The following MAMDC2 variants were observed in gnomAD, a reference collection of about 807,000 sequenced individuals.
MAMDC2 encodes the protein MAM domain containing 2, also known as MAM domain-containing protein 2.
MAMDC2 carries 57 observed loss-of-function variants against 89.8 expected under a neutral mutation model. The ratio of observed to expected loss-of-function variants is 0.63; its 90% CI spans 0.51 to 0.79. MAMDC2 has a LOEUF of 0.79. MAMDC2 is among the 30% of genes least tolerant of loss of function. The probability of loss-of-function intolerance (pLI) is 0.00; values close to 1 mark genes in which losing one functional copy is unlikely to be tolerated. For missense variants in MAMDC2, 800 were observed against 820.6 expected, an observed-to-expected ratio of 0.97 and a Z score of 0.31; for synonymous variants, 313 against 293.4, an observed-to-expected ratio of 1.07 and a Z score of -0.68.
intron 11 of MAMDC2, among the ~76,000 whole-genome samples, chr9:70,199,985 C>T (rs1008579154): frequency 6.6e-6 from 1 of 152,136 alleles, no homozygotes; most frequent in East Asian, 1.9e-4. Context: ...CGAAAATTTT[C>T]TCCCATTTTG....
Position 70,090,904 on chromosome 9 carries a change from T to C in MAMDC2, c.149-17307T>C, listed in dbSNP as rs188990171. ...ATGGTACATTTATACAATGGAAAGC[T>C]ATGCTATGTGGCAGTTAAAGATATG... On this transcript the variant is annotated intron_variant, in intron 2 of 13. Transcript: ENST00000377182. 125 of 152,272 alleles carry C rather than the reference T, an allele frequency of 8.2e-4. 1 individual carries two copies. Among genetic ancestry groups the C allele is most frequent in the African/African-American group, 2.9e-3 (122 of 41,544 alleles). The allele number at this position is 152,272 out of a possible 1,614,324, so 9.4% of individuals were successfully genotyped here. A position where few individuals can be genotyped will look rare whatever the true frequency, so the allele number is the denominator to read the frequency against.
intron 5 of MAMDC2, among the ~76,000 whole-genome samples, chr9:70,121,468 A>AT (rs2030283157): frequency 6.6e-6 from 1 of 152,146 alleles, no homozygotes; most frequent in South Asian, 2.1e-4. Flanking sequence ...TAATAGATTG[A>AT]TTTTCACTCT....
intron 2 of MAMDC2, among the ~76,000 whole-genome samples, chr9:70,073,890 C>T (rs1358238476): frequency 2.6e-5 from 4 of 152,194 alleles, no homozygotes; most frequent in Non-Finnish European, 5.9e-5. Flanking sequence ...AACATGTAAA[C>T]AGCCAAAGAG....
At chr9:70,106,919 C>G (rs1005534544) in intron 2 of MAMDC2, among the ~76,000 whole-genome samples, 19 of 152,154 alleles carry the variant, frequency 1.2e-4, no homozygotes, top group Admixed American at 1.2e-3. Flanking sequence ...ATATAAGGAT[C>G]CAGGCTGGGA....
At chr9:70,165,007 C>G (rs2032123580) in intron 9 of MAMDC2, among the ~76,000 whole-genome samples, 1 of 137,196 alleles carries the variant, frequency 7.3e-6, no homozygotes, top group Non-Finnish European at 1.6e-5. Flanking sequence ...CTCTTAGATA[C>G]TAATATACAT....
intron 5 of MAMDC2, among the ~76,000 whole-genome samples, chr9:70,123,523 C>A (rs2030384087): frequency 6.6e-6 from 1 of 152,114 alleles, no homozygotes; most frequent in Admixed American, 6.5e-5. Flanking sequence ...TTGGCGCATA[C>A]AAAGTTTAAA....
intron 2 of MAMDC2, among the ~76,000 whole-genome samples, chr9:70,104,633 G>A (rs1828285190): frequency 6.6e-6 from 1 of 152,160 alleles, no homozygotes; most frequent in Middle Eastern, 3.2e-3. Flanking sequence ...TCTAATATAT[G>A]CTACAACATG....
chr9:70,225,642 T>A (rs561117689), intron 12 of MAMDC2, 108 bp from the exon 13 acceptor site: 162 of 611,394 alleles, frequency 2.6e-4, no homozygotes, highest in Admixed American at 5.5e-4. Flanking sequence ...CTTAAAGGGA[T>A]CCTCAAGAGC....
chr9:70,211,266 C>A (rs2118665769), intron 11 of MAMDC2, among the ~76,000 whole-genome samples: 1 of 152,322 alleles, frequency 6.6e-6, no homozygotes, highest in Non-Finnish European at 1.5e-5. Context: ...GTACACCAAT[C>A]AGATGTAGAT....
At position 70,225,852 on chromosome 9, in the gene MAMDC2, T is replaced by C; in HGVS notation, c.1996+18T>C. On this transcript the variant is annotated intron_variant, in intron 13 of 13. Coordinates refer to ENST00000377182, the MANE Select transcript of MAMDC2 (RefSeq NM_153267.5). ...CTGTGGAGGTAATATTTTTTCCCAA[T>C]CATATAAGCTTGACTGAAAATGGAC... 1 of 1,573,098 alleles carries C rather than the reference T, an allele frequency of 6.4e-7. No individual in the cohort carries two copies. Among genetic ancestry groups the C allele is most frequent in the African/African-American group, 1.3e-5 (1 of 74,086 alleles).
chr9:70,193,833 C>A (rs1465873410), intron 11 of MAMDC2, among the ~76,000 whole-genome samples: 1 of 152,054 alleles, frequency 6.6e-6, no homozygotes, highest in African/African-American at 2.4e-5. Flanking sequence ...AGATTGAATT[C>A]TGCCTTTTCA....
At chr9:70,132,421 G>C (rs1039935861) in intron 7 of MAMDC2, among the ~76,000 whole-genome samples, 14 of 152,096 alleles carry the variant, frequency 9.2e-5, no homozygotes, top group African/African-American at 3.4e-4. Context: ...TGGTTATGTA[G>C]CATGGAAAGT....
At chr9:70,151,510 T>C (rs1446485418) in intron 9 of MAMDC2, among the ~76,000 whole-genome samples, 1 of 152,188 alleles carries the variant, frequency 6.6e-6, no homozygotes, top group African/African-American at 2.4e-5. Flanking sequence ...ATGTGGTCAA[T>C]GAATGAATAA....
At chr9:70,196,420 G>A (rs1485071474) in intron 11 of MAMDC2, among the ~76,000 whole-genome samples, 1 of 152,110 alleles carries the variant, frequency 6.6e-6, no homozygotes, top group South Asian at 2.1e-4. Context: ...TGGAAGACAT[G>A]AAAAGAAAAC....
chr9:70,086,963 G>T (rs994980489), intron 2 of MAMDC2: 6 of 152,024 alleles, frequency 3.9e-5, no homozygotes, highest in African/African-American at 7.2e-5. Flanking sequence ...TTACCCTCTC[G>T]CTGCTACAGA....
chr9:70,094,392 C>T (rs1483809772), intron 2 of MAMDC2, among the ~76,000 whole-genome samples: 1 of 152,182 alleles, frequency 6.6e-6, no homozygotes, highest in Non-Finnish European at 1.5e-5. Flanking sequence ...CCCACAAACT[C>T]TGCATTCCAG....
chr9:70,101,676 C>T (rs1828201119), intron 2 of MAMDC2, among the ~76,000 whole-genome samples: 2 of 152,180 alleles, frequency 1.3e-5, no homozygotes, highest in Non-Finnish European at 2.9e-5. Flanking sequence ...TCTCATATAG[C>T]TTACATGTGT....
intron 7 of MAMDC2, among the ~76,000 whole-genome samples, chr9:70,135,970 G>A (rs569966295): frequency 6.6e-6 from 1 of 152,172 alleles, no homozygotes; most frequent in Non-Finnish European, 1.5e-5. Context: ...GGGCAACATG[G>A]TGAAACCCTG....
At chr9:70,213,311 T>G (rs2033390428) in intron 11 of MAMDC2, among the ~76,000 whole-genome samples, 1 of 152,206 alleles carries the variant, frequency 6.6e-6, no homozygotes, top group South Asian at 2.1e-4. Context: ...TTCCCCTCAT[T>G]GAGAATTTCA....
Sources: allele counts gnomAD v4.1 joint callset (sites outside exome capture counted in the v4.1 genomes callset), GRCh38; gene constraint gnomAD v4.1.1; transcripts MANE v1.5; gene names NCBI Gene and HGNC (gene_info 2026-07-23, HGNC 2026-07-21).